Variants in SLC9A9 observed in about 807,000 individuals in gnomAD.
SLC9A9 encodes the protein sodium/hydrogen exchanger 9.
Under a neutral mutation model 77.8 loss-of-function variants are expected in SLC9A9, and 62 were observed. The ratio of observed to expected loss-of-function variants is 0.80; its 90% CI spans 0.65 to 0.98. SLC9A9 has a LOEUF of 0.98. Among genes scored for constraint, SLC9A9 ranks in the 50% least tolerant of loss-of-function variants. The pLI is 0.00. For missense variants in SLC9A9, 775 were observed against 774.9 expected, an observed-to-expected ratio of 1.00 and a Z score of 0.00; for synonymous variants, 320 against 283.5, an observed-to-expected ratio of 1.13 and a Z score of -1.29.
intron 5 of SLC9A9, among the ~76,000 whole-genome samples, chr3:143,664,358 C>T (rs1203660100): frequency 1.3e-5 from 2 of 152,156 alleles, no homozygotes; most frequent in Non-Finnish European, 2.9e-5. Context: ...ACAACCGGTA[C>T]CAGCCACTGC....
At chr3:143,276,419 G>C (rs1435888128) in intron 14 of SLC9A9, among the ~76,000 whole-genome samples, 2 of 152,046 alleles carry the variant, frequency 1.3e-5, no homozygotes, top group African/African-American at 4.8e-5. Flanking sequence ...TGTGTCTCTG[G>C]GTTTTTGGTT....
intron 13 of SLC9A9, among the ~76,000 whole-genome samples, chr3:143,365,330 A>T (rs1159136688): frequency 6.6e-6 from 1 of 152,224 alleles, no homozygotes; most frequent in Non-Finnish European, 1.5e-5. Flanking sequence ...TAGACTTAGT[A>T]TCTGGGAGAT....
intron 14 of SLC9A9, among the ~76,000 whole-genome samples, chr3:143,315,834 G>A (rs1377609630): frequency 6.6e-6 from 1 of 152,224 alleles, no homozygotes; most frequent in Non-Finnish European, 1.5e-5. Context: ...GTGGAATGGT[G>A]GCACGAACAC....
At chr3:143,705,029 ATCTATC>A (rs1933927244) in intron 4 of SLC9A9, among the ~76,000 whole-genome samples, 1 of 32,718 alleles carries the variant, frequency 3.1e-5, no homozygotes, top group African/African-American at 9.9e-5. Context: ...CTATCTATCT[ATCTATC>A]TATCTATATA....
intron 11 of SLC9A9, among the ~76,000 whole-genome samples, chr3:143,473,190 G>A (rs1011471115): frequency 6.6e-6 from 1 of 152,128 alleles, no homozygotes; most frequent in Non-Finnish European, 1.5e-5. Flanking sequence ...CAACCTGCCT[G>A]TGCCCCGAAC....
chr3:143,807,169 C>A (rs977114570), intron 2 of SLC9A9, among the ~76,000 whole-genome samples: 2 of 152,162 alleles, frequency 1.3e-5, no homozygotes, highest in African/African-American at 2.4e-5. Context: ...GTAGGCTGGG[C>A]ACAGTGGCTC....
intron 12 of SLC9A9, among the ~76,000 whole-genome samples, chr3:143,435,120 T>C (rs1001498053): frequency 6.6e-6 from 1 of 152,146 alleles, no homozygotes; most frequent in African/African-American, 2.4e-5. Flanking sequence ...GTATTTATCC[T>C]TCTCAATTTT....
chr3:143,410,216 A>T (rs1375134244), intron 12 of SLC9A9, among the ~76,000 whole-genome samples: 1 of 152,116 alleles, frequency 6.6e-6, no homozygotes, highest in Non-Finnish European at 1.5e-5. Context: ...GCCTAAATTA[A>T]ACGGTTTTTT....
At chr3:143,471,725 T>C (rs115529533) in intron 11 of SLC9A9, among the ~76,000 whole-genome samples, 8 of 152,330 alleles carry the variant, frequency 5.3e-5, no homozygotes, top group Non-Finnish European at 1.0e-4. Flanking sequence ...GACTATACCA[T>C]TTCATTTTAA....
intron 6 of SLC9A9, among the ~76,000 whole-genome samples, chr3:143,601,983 T>C (rs1013774006): frequency 4.6e-5 from 7 of 152,190 alleles, no homozygotes; most frequent in Admixed American, 1.3e-4. Flanking sequence ...CTGCAGTTCC[T>C]GGAGAAATTC....
chr3:143,653,182 G>A (rs562487818), intron 5 of SLC9A9, among the ~76,000 whole-genome samples: 1 of 152,300 alleles, frequency 6.6e-6, no homozygotes, highest in Non-Finnish European at 1.5e-5. Flanking sequence ...ATGATCTTAA[G>A]AACAGGACAT....
At chr3:143,723,612 C>T (rs1458175161) in intron 4 of SLC9A9, among the ~76,000 whole-genome samples, 1 of 152,206 alleles carries the variant, frequency 6.6e-6, no homozygotes, top group African/African-American at 2.4e-5. Flanking sequence ...CGTCAGAGCA[C>T]TGATGTTATA....
At chr3:143,558,589 T>A (rs2037027625) in intron 8 of SLC9A9, among the ~76,000 whole-genome samples, 1 of 152,134 alleles carries the variant, frequency 6.6e-6, no homozygotes, top group Non-Finnish European at 1.5e-5. Flanking sequence ...ATGACTGACA[T>A]AATGGATTTT....
intron 4 of SLC9A9, among the ~76,000 whole-genome samples, chr3:143,756,082 G>A (rs141328156): frequency 1.2e-4 from 19 of 152,282 alleles, no homozygotes; most frequent in Admixed American, 5.9e-4. Context: ...ACAGGGCCAG[G>A]TAAATTGCCA....
chr3:143,828,927 G>A (rs777844505), intron 2 of SLC9A9, among the ~76,000 whole-genome samples: 63 of 152,228 alleles, frequency 4.1e-4, no homozygotes, highest in Admixed American at 7.8e-4. Flanking sequence ...CGTCACCTTG[G>A]TGATCTTCTA....
At chr3:143,636,416 A>G (rs1018502570) in intron 6 of SLC9A9, among the ~76,000 whole-genome samples, 13 of 152,280 alleles carry the variant, frequency 8.5e-5, no homozygotes, top group Admixed American at 2.0e-4. Flanking sequence ...TTCTAAGTAG[A>G]CAATCATATC....
At chr3:143,725,748 A>T in intron 4 of SLC9A9, among the ~76,000 whole-genome samples, 3 of 97,248 alleles carry the variant, frequency 3.1e-5, no homozygotes, top group Admixed American at 1.2e-4. Flanking sequence ...GGGTGGGGGG[A>T]GGGGGGAGAG....
chr3:143,284,702 C>T (rs1171677480), intron 14 of SLC9A9, among the ~76,000 whole-genome samples: 5 of 152,156 alleles, frequency 3.3e-5, no homozygotes. Flanking sequence ...CCACTTCAAC[C>T]TAATAGTACC....
At chr3:143,830,365 T>C (rs879452550) in intron 2 of SLC9A9, among the ~76,000 whole-genome samples, 2 of 152,174 alleles carry the variant, frequency 1.3e-5, no homozygotes, top group Non-Finnish European at 2.9e-5. Context: ...CTTGCAGAGC[T>C]CATAATCCAC....
Sources: gnomAD v4.1 joint callset for allele counts (sites outside exome capture counted in the v4.1 genomes callset) on GRCh38, gnomAD v4.1.1 for gene constraint, MANE v1.5 for transcripts, NCBI Gene and HGNC (gene_info 2026-07-23, HGNC 2026-07-21) for gene names.